Variants in PRR16 observed in about 807,000 individuals in gnomAD.
PRR16 encodes the protein proline rich 16.
PRR16 carries 6 observed loss-of-function variants against 18.2 expected under a neutral mutation model. That is an observed-to-expected ratio of 0.33 (90% CI 0.18 to 0.65). PRR16 has a LOEUF of 0.65. Ranked by LOEUF, PRR16 falls within the 30% of genes least tolerant of loss-of-function variation. PRR16 has a pLI of 0.74. For missense variants in PRR16, 412 were observed against 376.6 expected, an observed-to-expected ratio of 1.09 and a Z score of -0.78; for synonymous variants, 151 against 147.8, an observed-to-expected ratio of 1.02 and a Z score of -0.16.
At chr5:120,755,394 C>T in the PRR16 span, among the ~76,000 whole-genome samples, 2 of 151,886 alleles carry the variant, frequency 1.3e-5, no homozygotes, top group Non-Finnish European at 2.9e-5. Flanking sequence ...TCATTCCTTC[C>T]TCCCATCAGT....
chr5:120,509,264 T>C (rs1300919655), intron 1 of PRR16, among the ~76,000 whole-genome samples: 2 of 152,112 alleles, frequency 1.3e-5, no homozygotes, highest in East Asian at 3.9e-4. Context: ...CATACATCTG[T>C]AGGCCAGATT....
intron 1 of PRR16, among the ~76,000 whole-genome samples, chr5:120,505,870 G>A (rs146438207): frequency 1.3e-4 from 20 of 150,696 alleles, no homozygotes; most frequent in East Asian, 5.9e-4. Flanking sequence ...ACACACACGC[G>A]TATACATATG....
intron 1 of PRR16, among the ~76,000 whole-genome samples, chr5:120,662,351 G>A (rs1035794599): frequency 6.6e-6 from 1 of 151,990 alleles, no homozygotes; most frequent in Non-Finnish European, 1.5e-5. Flanking sequence ...TGATTATGAC[G>A]ATAACTCAGT....
At chr5:120,595,890 A>T (rs73254037) in intron 1 of PRR16, among the ~76,000 whole-genome samples, 7,737 of 151,998 alleles carry the variant, frequency 0.051, 491 homozygotes, top group African/African-American at 0.15. Context: ...TACCTTTAGT[A>T]TTTCTATCGT....
At chr5:120,721,822 G>A in the PRR16 span, among the ~76,000 whole-genome samples, 1 of 151,974 alleles carries the variant, frequency 6.6e-6, no homozygotes, top group Non-Finnish European at 1.5e-5. Context: ...AAAAAAACTG[G>A]TGCTTGCACC....
chr5:120,653,640 G>A (rs1462720137), intron 1 of PRR16, among the ~76,000 whole-genome samples: 3 of 151,956 alleles, frequency 2.0e-5, no homozygotes, highest in Non-Finnish European at 2.9e-5. Flanking sequence ...TAGGTTTATG[G>A]TGAGTGTACT....
chr5:120,747,523 G>A, the PRR16 span, among the ~76,000 whole-genome samples: 3 of 152,272 alleles, frequency 2.0e-5, no homozygotes, highest in Admixed American at 6.5e-5. Flanking sequence ...TCAAGGTGTT[G>A]TAAGATGGCC....
intron 1 of PRR16, among the ~76,000 whole-genome samples, chr5:120,615,568 G>C (rs1754484041): frequency 6.6e-6 from 1 of 151,684 alleles, no homozygotes; most frequent in South Asian, 2.1e-4. Flanking sequence ...AGTATTCGTT[G>C]TAGATTTAAA....
chr5:120,507,943 A>G (rs1281114577), intron 1 of PRR16, among the ~76,000 whole-genome samples: 1 of 152,066 alleles, frequency 6.6e-6, no homozygotes, highest in Admixed American at 6.6e-5. Context: ...TTGCCTACCC[A>G]CTATTTATTC....
intron 1 of PRR16, among the ~76,000 whole-genome samples, chr5:120,607,335 T>C (rs570053616): frequency 1.3e-5 from 2 of 152,360 alleles, no homozygotes; most frequent in Admixed American, 6.5e-5. Context: ...CATTCAATGA[T>C]ATGATGTGAA....
chr5:120,482,356 T>G (rs1357421773), intron 1 of PRR16, among the ~76,000 whole-genome samples: 2 of 152,142 alleles, frequency 1.3e-5, no homozygotes, highest in Non-Finnish European at 2.9e-5. Flanking sequence ...GTTTAGCTCC[T>G]GCTTATAAGC....
chr5:120,733,232 ACTC>A, the PRR16 span, among the ~76,000 whole-genome samples: 1 of 151,412 alleles, frequency 6.6e-6, no homozygotes, highest in South Asian at 2.1e-4. Flanking sequence ...CGCAGCTTGA[ACTC>A]CTGGGCTCAA....
At chr5:120,665,092 A>T (rs1237322548) in intron 1 of PRR16, among the ~76,000 whole-genome samples, 6 of 131,838 alleles carry the variant, frequency 4.6e-5, no homozygotes, top group South Asian at 5.1e-4. Flanking sequence ...AAGTGTTCCT[A>T]TTTCTCCACA....
chr5:120,476,331 A>G, intron 1 of PRR16, among the ~76,000 whole-genome samples: 1 of 152,118 alleles, frequency 6.6e-6, no homozygotes. Context: ...ATCCCAGGCA[A>G]TCTTGATATT....
chr5:120,628,470 T>A (rs1294710051), intron 1 of PRR16, among the ~76,000 whole-genome samples: 2 of 152,074 alleles, frequency 1.3e-5, no homozygotes, highest in Non-Finnish European at 2.9e-5. Flanking sequence ...AGCCTAGCAC[T>A]GTGTTTTTAA....
At chr5:120,729,619 T>C in the PRR16 span, among the ~76,000 whole-genome samples, 1 of 152,186 alleles carries the variant, frequency 6.6e-6, no homozygotes, top group South Asian at 2.1e-4. Flanking sequence ...ATTTTATTTA[T>C]TTTGTTTACG....
chr5:120,489,274 T>G (rs1749932682), intron 1 of PRR16, among the ~76,000 whole-genome samples: 2 of 152,176 alleles, frequency 1.3e-5, no homozygotes, highest in African/African-American at 4.8e-5. Flanking sequence ...CCATTATTAT[T>G]GTGTGGGAGT....
chr5:120,550,259 T>C (rs1030737306), intron 1 of PRR16, among the ~76,000 whole-genome samples: 2 of 152,090 alleles, frequency 1.3e-5, no homozygotes, highest in Non-Finnish European at 2.9e-5. Context: ...AAATAATGGA[T>C]GTGCATGTTG....
At chr5:120,698,214 A>G in the PRR16 span, among the ~76,000 whole-genome samples, 1 of 151,944 alleles carries the variant, frequency 6.6e-6, no homozygotes, top group Non-Finnish European at 1.5e-5. Flanking sequence ...AAGCTGAAGG[A>G]AGATTTTGTG....
Sources: allele counts gnomAD v4.1 joint callset (sites outside exome capture counted in the v4.1 genomes callset), GRCh38; gene constraint gnomAD v4.1.1; transcripts MANE v1.5; gene names NCBI Gene and HGNC (gene_info 2026-07-23, HGNC 2026-07-21).